PTPN18: variants seen among roughly 807,000 people sequenced by gnomAD.
PTPN18 encodes tyrosine-protein phosphatase non-receptor type 18.
PTPN18 carries 65 observed loss-of-function variants against 65.4 expected under a neutral mutation model. The observed-to-expected ratio is 0.99, with a 90% CI of 0.81 to 1.22. The LOEUF (loss-of-function observed/expected upper bound fraction) is 1.22. Among genes scored for constraint, PTPN18 ranks in the 50% most tolerant of loss-of-function variants. The probability of loss-of-function intolerance (pLI) is 0.00; values close to 1 mark genes in which losing one functional copy is unlikely to be tolerated. For synonymous variants in PTPN18, 255 were observed against 267.8 expected, an observed-to-expected ratio of 0.95 and a Z score of 0.47; for missense variants, 616 against 646.5, an observed-to-expected ratio of 0.95 and a Z score of 0.51.
chr2:130,370,275 T>C (rs1297898615), intron 8 of PTPN18, 85 bp downstream of exon 8: 3 of 1,563,988 alleles, frequency 1.9e-6, no homozygotes, highest in Middle Eastern at 2.0e-4. Context: ...GCTAGTCTTG[T>C]AGTCTGAGTG....
chr2:130,356,656 G>T (rs918400721), intron 1 of PTPN18: 2 of 467,014 alleles, frequency 4.3e-6, no homozygotes, highest in Middle Eastern at 3.3e-4. Flanking sequence ...CGTGGTGAGG[G>T]TGTGAACGCC....
chr2:130,372,558 C>A, intron 13 of PTPN18, 75 bp downstream of exon 13: 4 of 1,398,634 alleles, frequency 2.9e-6, no homozygotes, highest in Non-Finnish European at 3.7e-6. Flanking sequence ...TGCAGTGGTC[C>A]GTCAGGCCCT....
rs932096333 is a variant in PTPN18, at chr2:130,375,159, G to C, written c.*1935G>C. On this transcript the variant is annotated 3_prime_UTR_variant, in exon 15 of 15. Coordinates refer to ENST00000175756, the MANE Select transcript of PTPN18 (RefSeq NM_014369.4). ...GCCTGCTGCTGGTGAGGTCGGTGCT[G>C]ACCTCTGTGTTGCTGGATAATGAGT... 1 of 163,762 alleles carries C rather than the reference G, an allele frequency of 6.1e-6. No homozygotes were observed. The highest frequency in any genetic ancestry group is 1.3e-5 in the Non-Finnish European group (1 of 75,160). The allele number at this position is 163,762 out of a possible 1,614,324, so 10.1% of individuals were successfully genotyped here. A position where few individuals can be genotyped will look rare whatever the true frequency, so the allele number is the denominator to read the frequency against.
At chr2:130,359,758 A>G in intron 5 of PTPN18, 112 bp downstream of exon 5, 2 of 1,287,404 alleles carry the variant, frequency 1.6e-6, no homozygotes, top group South Asian at 1.2e-5. Context: ...GAGTGACCTT[A>G]TTGTAGCTCT....
chr2:130,370,565 G>A lies in PTPN18; in HGVS notation c.698G>A (p.Cys233Tyr). The A allele has an allele frequency of 6.2e-7, 1 of 1,614,162 alleles. No individual in the cohort carries two copies. Among genetic ancestry groups the A allele is most frequent in the South Asian group, 1.1e-5 (1 of 91,080 alleles). ...EPLCVHCSAG[C>Y]GRTGVLCTVD... is the part of the protein sequence containing the mutation. ...TCTGATTCTCTTGTCAGTGCGGGTT[G>A]TGGGCGAACAGGCGTCCTGTGCACC... The change falls in exon 9 of 15, where the codon TGT (cysteine) becomes TAT (tyrosine). Residue 233 changes from cysteine to tyrosine, a missense_variant. Cys to Tyr is a radical substitution (Grantham distance 194, BLOSUM62 -2). This residue lies in a region of PTPN18 where 368 missense variants were observed against 386.7 expected (regional missense o/e 0.95). Coordinates refer to ENST00000175756, the MANE Select transcript of PTPN18 (RefSeq NM_014369.4).
Position 130,374,926 on chromosome 2 carries a change from T to A in PTPN18, c.*1702T>A. 1 of 278,568 alleles carries A rather than the reference T, an allele frequency of 3.6e-6. No individual in the cohort carries two copies. The highest frequency in any genetic ancestry group is 3.4e-5 in the South Asian group (1 of 29,482). 17.3% of individuals were successfully genotyped at this position (278,568 alleles called of 1,614,324 possible). A position where few individuals can be genotyped will look rare whatever the true frequency, so the allele number is the denominator to read the frequency against. ...GGCAGGGTGATGCTGAGGTGTGGAT[T>A]TTTAACAGTTCCCAGACTTTCCCAG... On this transcript the variant is annotated 3_prime_UTR_variant, in exon 15 of 15. Coordinates refer to ENST00000175756, the MANE Select transcript of PTPN18 (RefSeq NM_014369.4).
At chr2:130,371,020 G>A in intron 11 of PTPN18, 56 bp downstream of exon 11, 1 of 1,568,700 alleles carries the variant, frequency 6.4e-7, no homozygotes, top group South Asian at 1.1e-5. Context: ...CAGAGACCAG[G>A]ACCCCGAGCA....
chr2:130,368,828 A>G (rs552898637), intron 5 of PTPN18: 10 of 232,990 alleles, frequency 4.3e-5, no homozygotes, highest in African/African-American at 1.8e-4. Context: ...CAGTGACCAC[A>G]GTACTGCAAC....
chr2:130,358,899 T>A lies in PTPN18; in HGVS notation c.126T>A (p.Ala42=). 6.2e-7 allele frequency: 1 copy of A among 1,613,944 alleles called. No individual in the cohort carries two copies. Among genetic ancestry groups the A allele is most frequent in the Non-Finnish European group, 8.5e-7 (1 of 1,179,820 alleles). Residue 42 remains alanine (A), a synonymous_variant, in exon 2 of 15, where the codon GCT becomes GCA. Transcript: ENST00000175756. ...AGGCCTGCTCGGCCGCCTGGAAGGCTGACGGCGTGTGCTCCACCGTGGCCG... is the reference window on the plus strand; with the variant it reads ...AGGCCTGCTCGGCCGCCTGGAAGGCAGACGGCGTGTGCTCCACCGTGGCCG... ...DIQACSAAWK[A]DGVCSTVAGS... is the part of the protein sequence containing the mutation.
At position 130,365,470 on chromosome 2, in the gene PTPN18, G is replaced by T. The variant is rs908905081; in HGVS notation, c.415-3663G>T. Among the ~76,000 whole-genome samples, 3 of 152,234 alleles carry T rather than the reference G, an allele frequency of 2.0e-5. No individual in the cohort carries two copies. The East Asian group carries it at 5.8e-4, about 29-fold the overall frequency. ...GTCTTTTTATTATTGAGTTGTAAGCGTTATTCTGTATATAAGTCCCTTATC... is the reference window on the plus strand; with the variant it reads ...GTCTTTTTATTATTGAGTTGTAAGCTTTATTCTGTATATAAGTCCCTTATC... On this transcript the variant is annotated intron_variant, in intron 5 of 14. Transcript: ENST00000175756.
rs769760078 is a variant in PTPN18 at position 130,369,160 on chromosome 2, G to A, written c.442G>A (p.Glu148Lys). The A allele has an allele frequency of 1.8e-5, 29 of 1,613,324 alleles. No homozygotes were observed. The South Asian group carries it at 2.7e-4, about 15-fold the overall frequency. ...AAGGTGTGAGCGGTACTGGGCCCAG[G>A]AGCAGGAGCCACTGCAGACTGGGCT... ...RKRCERYWAQ[E>K]QEPLQTGLFC... is the part of the protein sequence containing the mutation. Residue 148 changes from glutamate to lysine, a missense_variant, in exon 6 of 15, where the codon GAG becomes AAG. Coordinates refer to ENST00000175756, the MANE Select transcript of PTPN18 (RefSeq NM_014369.4).
chr2:130,363,183 T>A (rs748599022), intron 5 of PTPN18, among the ~76,000 whole-genome samples: 45 of 149,136 alleles, frequency 3.0e-4, no homozygotes, highest in Non-Finnish European at 5.2e-4. Flanking sequence ...ACATGGTGGC[T>A]CATGCCTGTA....
rs114870147 is a variant in PTPN18 at position 130,364,858 on chromosome 2, T to C, written c.415-4275T>C. ...CTAGTATCTGTTTGAATCCCTGTTT[T>C]CAGTTCCCTGGGTATACACCTAGCA... On this transcript the variant is annotated intron_variant, in intron 5 of 14. Transcript: ENST00000175756. Among the ~76,000 whole-genome samples, 1,520 of 152,356 alleles carry C rather than the reference T, an allele frequency of 1.0e-2. 25 individuals are homozygous for C. Among genetic ancestry groups the C allele is most frequent in the African/African-American group, 0.034 (1,417 of 41,588 alleles).
At chr2:130,364,736 C>T (rs1479322632) in intron 5 of PTPN18, among the ~76,000 whole-genome samples, 1 of 152,210 alleles carries the variant, frequency 6.6e-6, no homozygotes, top group African/African-American at 2.4e-5. Context: ...GCGGAGCTTG[C>T]AGTGAGCCGA....
At chr2:130,363,932 T>G (rs1680306409) in intron 5 of PTPN18, among the ~76,000 whole-genome samples, 1 of 151,928 alleles carries the variant, frequency 6.6e-6, no homozygotes, top group South Asian at 2.1e-4. Flanking sequence ...TTCTCCCTGA[T>G]GCTTGTTACT....
chr2:130,358,897 G>C lies in PTPN18; in HGVS notation c.124G>C (p.Ala42Pro). Reference sequence around the variant, plus strand: ...CCAGGCCTGCTCGGCCGCCTGGAAGGCTGACGGCGTGTGCTCCACCGTGGC... The same window carrying C: ...CCAGGCCTGCTCGGCCGCCTGGAAGCCTGACGGCGTGTGCTCCACCGTGGC... ...DIQACSAAWK[A>P]DGVCSTVAGS... is the part of the protein sequence containing the mutation. The change falls in exon 2 of 15, where the codon GCT (alanine) becomes CCT (proline). Residue 42 changes from alanine (A) to proline (P), a missense_variant. Physicochemically the swap from Ala to Pro is conservative, Grantham distance 27. Transcript: ENST00000175756. 3 of 1,613,906 alleles carry C rather than the reference G, an allele frequency of 1.9e-6. No individual in the cohort carries two copies. The highest frequency in any genetic ancestry group is 2.5e-6 in the Non-Finnish European group (3 of 1,179,802).
Position 130,374,352 on chromosome 2 carries a change from G to A in PTPN18, c.*1128G>A. The A allele has an allele frequency of 9.2e-6, 2 of 216,350 alleles. No homozygotes were observed. The highest frequency in any genetic ancestry group is 2.3e-5 in the African/African-American group (1 of 42,854). The allele number at this position is 216,350 out of a possible 1,614,324, so 13.4% of individuals were successfully genotyped here. On this transcript the variant is annotated 3_prime_UTR_variant, in exon 15 of 15. Coordinates refer to ENST00000175756, the MANE Select transcript of PTPN18 (RefSeq NM_014369.4). ...CAGGTCTAATTTTTTTTTTTTTTAA[G>A]AAATGAGTTTTTGCCATGTTGCCCA...
intron 1 of PTPN18, 63 bp from the exon 2 acceptor site, chr2:130,358,804 G>T: frequency 1.4e-6 from 2 of 1,413,756 alleles, no homozygotes; most frequent in Non-Finnish European, 2.0e-6. Context: ...GGTGGCCTGG[G>T]ACTCTGACCT....
chr2:130,372,647 A>C (rs1325092194), intron 13 of PTPN18, 164 bp downstream of exon 13: 1 of 1,065,096 alleles, frequency 9.4e-7, no homozygotes, highest in African/African-American at 1.6e-5. Flanking sequence ...ACGCCCCGGA[A>C]GCGCCCCCTG....
Sources: gnomAD v4.1 joint callset for allele counts (sites outside exome capture counted in the v4.1 genomes callset) on GRCh38, gnomAD v4.1.1 for gene constraint, gnomAD v4.1.1 regional missense constraint, MANE v1.5 for transcripts, NCBI Gene and HGNC (gene_info 2026-07-23, HGNC 2026-07-21) for gene names.